Variants in LTBP1 observed in about 807,000 individuals in gnomAD.
LTBP1 encodes latent transforming growth factor beta binding protein 1.
A neutral mutation model predicts 207.6 loss-of-function variants in LTBP1; 129 were observed. That is an observed-to-expected ratio of 0.62 (90% CI 0.54 to 0.72). The LOEUF is 0.72. LTBP1 is among the 30% of genes least tolerant of loss of function. The pLI is 0.00. For missense variants in LTBP1, 2,281 were observed against 2,217.2 expected (o/e 1.03, Z -0.58); for synonymous variants, 963 against 833.7 (o/e 1.16, Z -2.67).
At chr2:33,112,241 T>A (rs564363870) in intron 4 of LTBP1, among the ~76,000 whole-genome samples, 2 of 152,350 alleles carry the variant, frequency 1.3e-5, no homozygotes, top group African/African-American at 4.8e-5. Flanking sequence ...GGTTTTGATT[T>A]GTTTTCTGTG....
intron 27 of LTBP1, 43 bp downstream of exon 27, chr2:33,360,822 A>G (rs368876736): frequency 2.5e-6 from 4 of 1,574,280 alleles, no homozygotes; most frequent in Middle Eastern, 3.3e-4. Context: ...GTGTTTGGTC[A>G]CATGGTGTCC....
At chr2:33,384,367 T>G (rs1574106514) in intron 31 of LTBP1, among the ~76,000 whole-genome samples, 1 of 152,318 alleles carries the variant, frequency 6.6e-6, no homozygotes, top group East Asian at 1.9e-4. Context: ...GAGCTAAGCA[T>G]TTGCGCTTGG....
intron 2 of LTBP1, among the ~76,000 whole-genome samples, chr2:32,963,518 A>C (rs1679470626): frequency 6.6e-6 from 1 of 152,116 alleles, no homozygotes; most frequent in African/African-American, 2.4e-5. Flanking sequence ...ACCACCATGC[A>C]CATTAATACA....
chr2:33,347,353 G>A lies in LTBP1; in HGVS notation c.3857-14G>A, dbSNP rs552518660. ...GAGGCACACATCTCACTTGGTCTGT[G>A]CTCCCTTTTCCAGATGTGAATGAAT... is the stretch of plus-strand genomic sequence containing the variant. On this transcript the variant is annotated splice_polypyrimidine_tract_variant and intron_variant, in intron 25 of 33. Transcript: ENST00000404816. 3 of 1,614,062 alleles carry A rather than the reference G, an allele frequency of 1.9e-6. No homozygotes were observed. The African/African-American group carries it at 4.0e-5, about 22-fold the overall frequency.
In LTBP1 at chr2:33,138,334, G is replaced by T. The variant is rs1054090010; in HGVS notation, c.1201+3374G>T. ...CAAATGAATATGGTATCCAAAGGAAGCACTCTGAGATTCTAGAAGAGCCCA... is the reference window on the plus strand; with the variant it reads ...CAAATGAATATGGTATCCAAAGGAATCACTCTGAGATTCTAGAAGAGCCCA... On this transcript the variant is annotated intron_variant, in intron 5 of 33. Coordinates refer to ENST00000404816, the MANE Select transcript of LTBP1 (RefSeq NM_206943.4). Among the ~76,000 whole-genome samples, 3 of 152,300 alleles carry T rather than the reference G, an allele frequency of 2.0e-5. No homozygotes were observed. In the East Asian group the frequency reaches 5.8e-4, roughly 29 times the overall value.
chr2:33,300,581 G>GGTA lies in LTBP1; in HGVS notation c.3358+12_3358+14dup. 1 of 1,610,508 alleles carries GGTA rather than the reference G, an allele frequency of 6.2e-7. No individual in the cohort carries two copies. Among genetic ancestry groups the GGTA allele is most frequent in the African/African-American group, 1.3e-5 (1 of 74,926 alleles). Reference sequence around the variant, plus strand: ...CTAAAGACCAGTGTGAAGGTAAGAGGGTAGTAACATGAACTACTGAAACTT... The same window carrying GGTA: ...CTAAAGACCAGTGTGAAGGTAAGAGGGTAGTAGTAACATGAACTACTGAAACTT... On this transcript the variant is annotated intron_variant, in intron 21 of 33. Transcript: ENST00000404816.
chr2:32,984,543 A>G (rs548384637), intron 2 of LTBP1, among the ~76,000 whole-genome samples: 18 of 152,242 alleles, frequency 1.2e-4, no homozygotes, highest in Admixed American at 4.6e-4. Context: ...CCCATTTTAT[A>G]GAGGAGATAA....
intron 3 of LTBP1, among the ~76,000 whole-genome samples, chr2:33,101,640 C>T (rs2079747083): frequency 1.3e-5 from 2 of 152,102 alleles, no homozygotes; most frequent in African/African-American, 2.4e-5. Flanking sequence ...AGGCTAGGAG[C>T]CTTAATTACT....
At chr2:33,078,990 C>T (rs909754009) in intron 3 of LTBP1, among the ~76,000 whole-genome samples, 4 of 151,770 alleles carry the variant, frequency 2.6e-5, no homozygotes, top group African/African-American at 9.7e-5. Context: ...TCCCGAGTAG[C>T]TGGGATTACA....
intron 2 of LTBP1, among the ~76,000 whole-genome samples, chr2:32,960,403 GAAT>G: frequency 3.3e-4 from 1 of 3,026 alleles, no homozygotes; most frequent in East Asian, 0.17. Context: ...TTTATGGAAT[GAAT>G]GAATGAATGA....
chr2:33,108,297 G>C (rs928469689), intron 3 of LTBP1, among the ~76,000 whole-genome samples: 2 of 151,936 alleles, frequency 1.3e-5, no homozygotes, highest in East Asian at 3.9e-4. Context: ...AGCGGGAGAA[G>C]GTAAGGGAGT....
chr2:33,073,961 G>C (rs1272256617), intron 3 of LTBP1, among the ~76,000 whole-genome samples: 2 of 152,162 alleles, frequency 1.3e-5, no homozygotes, highest in African/African-American at 4.8e-5. Context: ...AGCAGGAGAT[G>C]TGAAACTACT....
intron 3 of LTBP1, among the ~76,000 whole-genome samples, chr2:33,047,076 T>C (rs1222635669): frequency 6.6e-6 from 1 of 152,202 alleles, no homozygotes; most frequent in Non-Finnish European, 1.5e-5. Flanking sequence ...CCTGGATTCA[T>C]TGATTTTTTG....
intron 5 of LTBP1, among the ~76,000 whole-genome samples, chr2:33,144,195 C>T (rs2082843783): frequency 6.6e-6 from 1 of 152,024 alleles, no homozygotes; most frequent in Non-Finnish European, 1.5e-5. Context: ...TTTACTGATC[C>T]TAACAGCACA....
chr2:33,019,999 C>CCACT (rs982229712), intron 2 of LTBP1, among the ~76,000 whole-genome samples: 3 of 151,968 alleles, frequency 2.0e-5, no homozygotes, highest in African/African-American at 7.2e-5. Flanking sequence ...CAGGCGTGAG[C>CCACT]CACTGTGCCT....
intron 26 of LTBP1, among the ~76,000 whole-genome samples, chr2:33,353,244 T>C (rs1459626511): frequency 6.6e-6 from 1 of 152,100 alleles, no homozygotes; most frequent in Non-Finnish European, 1.5e-5. Flanking sequence ...CTTCCAAAGT[T>C]CTGGGATTAC....
rs553266975 is a variant in LTBP1, at chr2:33,302,999, A to G, written c.3481+1355A>G. 9.2e-5 allele frequency among the ~76,000 whole-genome samples: 14 copies of G among 151,928 alleles called. No individual in the cohort carries two copies. In the South Asian group the frequency reaches 1.5e-3, roughly 16 times the overall value. On this transcript the variant is annotated intron_variant, in intron 22 of 33. Transcript: ENST00000404816. ...CACACACACACAAACACACACAAAC[A>G]CACGCACACACACCCCTATTGAGAA...
At chr2:33,157,055 G>A (rs531011127) in intron 5 of LTBP1, among the ~76,000 whole-genome samples, 1 of 152,302 alleles carries the variant, frequency 6.6e-6, no homozygotes, top group East Asian at 1.9e-4. Context: ...CAGAGGTTTT[G>A]TTTGGACTCC....
intron 19 of LTBP1, among the ~76,000 whole-genome samples, chr2:33,289,545 G>A (rs1573642646): frequency 6.6e-6 from 1 of 152,034 alleles, no homozygotes; most frequent in South Asian, 2.1e-4. Flanking sequence ...AAAAATTTGT[G>A]TGTGGAGACA....
Sources: allele counts gnomAD v4.1 joint callset (sites outside exome capture counted in the v4.1 genomes callset), GRCh38; gene constraint gnomAD v4.1.1; transcripts MANE v1.5; gene names NCBI Gene and HGNC (gene_info 2026-07-23, HGNC 2026-07-21).